Variants in TRDN observed in about 807,000 individuals in gnomAD.
TRDN encodes triadin in skeletal muscle.
TRDN carries 161 observed loss-of-function variants against 149.7 expected under a neutral mutation model. The ratio of observed to expected loss-of-function variants is 1.08; its 90% CI spans 0.95 to 1.23. The LOEUF (loss-of-function observed/expected upper bound fraction) is 1.23, where lower values mean the gene tolerates loss of function less well. Ranked by LOEUF, TRDN falls within the 50% of genes most tolerant of loss-of-function variation. The pLI is 0.00. For missense variants in TRDN, 896 were observed against 823.5 expected (o/e 1.09, Z -1.08); for synonymous variants, 294 against 250.5 (o/e 1.17, Z -1.64).
chr6:123,278,267 A>C (rs1221711338), intron 26 of TRDN, 51 bp downstream of exon 26: 4 of 1,187,392 alleles, frequency 3.4e-6, no homozygotes, highest in Non-Finnish European at 4.6e-6. Context: ...ATATTGTGCT[A>C]TTTATTCTAA....
At chr6:123,352,096 T>A in intron 21 of TRDN, 1 of 981,860 alleles carries the variant, frequency 1.0e-6, no homozygotes, top group Non-Finnish European at 1.2e-6. Context: ...TTTTTGCTGT[T>A]ATTTTCTTCA....
chr6:123,387,346 A>G (rs910612217), intron 14 of TRDN, among the ~76,000 whole-genome samples: 1 of 152,138 alleles, frequency 6.6e-6, no homozygotes, highest in Non-Finnish European at 1.5e-5. Context: ...AAAATAATAA[A>G]CCTATTAAAT....
chr6:123,355,110 A>AT (rs1357227462), intron 20 of TRDN, among the ~76,000 whole-genome samples: 1 of 151,330 alleles, frequency 6.6e-6, no homozygotes, highest in Non-Finnish European at 1.5e-5. Flanking sequence ...TTTTTGCCTA[A>AT]TTTTTTAATG....
rs1194412303 is a variant in TRDN, at chr6:123,252,433, C to T, written c.1954G>A (p.Glu652Lys). 6 of 1,516,380 alleles carry T rather than the reference C, an allele frequency of 4.0e-6. No individual in the cohort carries two copies. The highest frequency in any genetic ancestry group is 5.4e-6 in the Non-Finnish European group (6 of 1,111,814). 93.9% of individuals were successfully genotyped at this position (1,516,380 alleles called of 1,614,324 possible). ...TTACTTGATACTCTTGCAGGTTTTT[C>T]TGCTAAAAAGAGAAAATAAATAAGT... ...SLQLHNVTKA[E>K]KPARVSKDVE... Residue 652 changes from glutamate to lysine, a missense_variant and splice_region_variant, in exon 38 of 41, where the codon GAA becomes AAA. Coordinates refer to ENST00000334268, the MANE Select transcript of TRDN (RefSeq NM_006073.4).
At chr6:123,600,070 C>A (rs796774087) in intron 1 of TRDN, among the ~76,000 whole-genome samples, 73 of 152,148 alleles carry the variant, frequency 4.8e-4, no homozygotes, top group African/African-American at 1.7e-3. Context: ...ATGACTGGCA[C>A]TAAGCAAATG....
intron 9 of TRDN, among the ~76,000 whole-genome samples, chr6:123,474,962 T>C (rs1777389497): frequency 6.6e-6 from 1 of 151,414 alleles, no homozygotes; most frequent in Non-Finnish European, 1.5e-5. Flanking sequence ...GCAGGAAAGA[T>C]CCAAAATTGA....
intron 12 of TRDN, among the ~76,000 whole-genome samples, chr6:123,399,258 T>A (rs1472572448): frequency 6.6e-6 from 1 of 152,146 alleles, no homozygotes; most frequent in Non-Finnish European, 1.5e-5. Context: ...AGAAAATGAT[T>A]GGGAAACATC....
At chr6:123,303,312 CATAAAG>C (rs10589382) in intron 24 of TRDN, among the ~76,000 whole-genome samples, 68,035 of 151,426 alleles carry the variant, frequency 0.45, 16,022 homozygotes, top group Middle Eastern at 0.57. Context: ...ATTTCCTTTC[CATAAAG>C]ATAATGTTGT....
At chr6:123,618,948 T>A (rs1346724022) in intron 1 of TRDN, among the ~76,000 whole-genome samples, 1 of 152,162 alleles carries the variant, frequency 6.6e-6, no homozygotes, top group Non-Finnish European at 1.5e-5. Flanking sequence ...ATTAAATATA[T>A]TTTACTAAAG....
chr6:123,324,987 C>T (rs1342510024), intron 23 of TRDN, among the ~76,000 whole-genome samples: 1 of 152,060 alleles, frequency 6.6e-6, no homozygotes, highest in Non-Finnish European at 1.5e-5. Flanking sequence ...ATTTTAAAGG[C>T]ATCTTCTAAG....
intron 20 of TRDN, among the ~76,000 whole-genome samples, chr6:123,364,695 C>G (rs911774873): frequency 6.6e-6 from 1 of 152,190 alleles, no homozygotes; most frequent in Non-Finnish European, 1.5e-5. Flanking sequence ...AGAAACCTAT[C>G]TTCTGCTATT....
chr6:123,393,727 T>C (rs1360339093), intron 12 of TRDN, 50 bp from the exon 13 acceptor site: 8 of 1,524,044 alleles, frequency 5.2e-6, no homozygotes, highest in Non-Finnish European at 6.2e-6. Flanking sequence ...TTTGGAAAAA[T>C]ATATAAATAA....
chr6:123,383,805 C>T (rs1275769236), intron 14 of TRDN, among the ~76,000 whole-genome samples: 1 of 152,044 alleles, frequency 6.6e-6, no homozygotes, highest in Non-Finnish European at 1.5e-5. Context: ...GATTTTATTA[C>T]CTCTCTTTCT....
chr6:123,241,110 T>C (rs1775972529), intron 38 of TRDN, among the ~76,000 whole-genome samples: 1 of 151,748 alleles, frequency 6.6e-6, no homozygotes, highest in South Asian at 2.1e-4. Flanking sequence ...AATAGTAACA[T>C]TATTATTTGA....
intron 9 of TRDN, among the ~76,000 whole-genome samples, chr6:123,496,857 G>T (rs146679410): frequency 6.6e-6 from 1 of 151,970 alleles, no homozygotes; most frequent in Non-Finnish European, 1.5e-5. Context: ...TTTCATTGTC[G>T]TGGGTCTTTT....
rs1026201221 is a variant in TRDN at position 123,280,284 on chromosome 6, A to G, written c.1511-1202T>C. Among the ~76,000 whole-genome samples the G allele has an allele frequency of 1.5e-4, 23 of 152,180 alleles. 1 individual carries two copies. Among genetic ancestry groups the G allele is most frequent in the Admixed American group, 1.2e-3 (18 of 15,202 alleles). On this transcript the variant is annotated intron_variant, in intron 24 of 40. Transcript: ENST00000334268. ...AGCACTGAACAGCATATACACACAA[A>G]TAAACTACTTGAGGCCAAGGAAAGA...
intron 9 of TRDN, among the ~76,000 whole-genome samples, chr6:123,465,605 G>T (rs201549572): frequency 1.0e-4 from 7 of 68,236 alleles, no homozygotes; most frequent in East Asian, 3.9e-4. Flanking sequence ...AAAAAAAAAA[G>T]AGAGAGAGAG....
intron 9 of TRDN, among the ~76,000 whole-genome samples, chr6:123,486,399 A>G (rs951764296): frequency 1.3e-5 from 2 of 151,894 alleles, no homozygotes; most frequent in Non-Finnish European, 1.5e-5. Context: ...TCATTATACT[A>G]TAGAAGTTGC....
chr6:123,224,145 A>G lies in TRDN; in HGVS notation c.1976-14T>C, dbSNP rs1226355088. ...CTTCAACATCTTCTAGAGTACAGAA[A>G]AAAGGCACATAGAATCACAGTCAAT... is the stretch of plus-strand genomic sequence containing the variant. On this transcript the variant is annotated splice_polypyrimidine_tract_variant and intron_variant, in intron 38 of 40. Coordinates refer to ENST00000334268, the MANE Select transcript of TRDN (RefSeq NM_006073.4). The G allele has an allele frequency of 1.2e-6, 2 of 1,609,540 alleles. No homozygotes were observed. The highest frequency in any genetic ancestry group is 1.7e-6 in the Non-Finnish European group (2 of 1,177,268).
Sources: gnomAD v4.1 joint callset for allele counts (sites outside exome capture counted in the v4.1 genomes callset) on GRCh38, gnomAD v4.1.1 for gene constraint, MANE v1.5 for transcripts, NCBI Gene and HGNC (gene_info 2026-07-23, HGNC 2026-07-21) for gene names.